STK3: variants seen among roughly 807,000 people sequenced by gnomAD.
The protein encoded by STK3 is serine/threonine-protein kinase 3.
A neutral mutation model predicts 58.0 loss-of-function variants in STK3; 41 were observed. The ratio of observed to expected loss-of-function variants is 0.71; its 90% confidence interval spans 0.55 to 0.92. The LOEUF (loss-of-function observed/expected upper bound fraction) is 0.92, where lower values mean the gene tolerates loss of function less well. Ranked by LOEUF, STK3 falls within the 40% of genes least tolerant of loss-of-function variation. The pLI, the probability that STK3 is intolerant of heterozygous loss-of-function variation, is 0.00. For synonymous variants in STK3, 170 were observed against 191.0 expected (o/e 0.89, Z 0.91); for missense variants, 479 against 602.7 (o/e 0.79, Z 2.15).
At chr8:98,720,094 G>A (rs902071549) in intron 4 of STK3, among the ~76,000 whole-genome samples, 1 of 152,104 alleles carries the variant, frequency 6.6e-6, no homozygotes, top group African/African-American at 2.4e-5. Context: ...TGTACTTTAA[G>A]ACTTTTAAAT....
At chr8:98,905,015 T>C (rs1838834869) in intron 1 of STK3, 1 of 800,894 alleles carries the variant, frequency 1.2e-6, no homozygotes, top group Non-Finnish European at 2.2e-6. Context: ...AGTGGAGTGC[T>C]GCATATGCAT....
chr8:98,428,790 T>G lies in STK3; in HGVS notation n.483+5337A>C. ...TATTGACCTCATGTCCATCGTCCCCTTTTACATCACTCTGGTGGTGAACCT... is the reference window on the plus strand; with the variant it reads ...TATTGACCTCATGTCCATCGTCCCCGTTTACATCACTCTGGTGGTGAACCT... On this transcript the variant is annotated intron_variant and non_coding_transcript_variant, in intron 3 of 3. Transcript: ENST00000517832. The surrounding 1 kb of genome is among the most constrained non-coding windows in gnomAD (Gnocchi z 6.7). The G allele has an allele frequency of 6.2e-7, 1 of 1,614,190 alleles. No homozygotes were observed. Among genetic ancestry groups the G allele is most frequent in the Non-Finnish European group, 8.5e-7 (1 of 1,180,038 alleles).
chr8:98,440,067 G>A (rs569467312), intron 1 of STK3, among the ~76,000 whole-genome samples: 176 of 152,334 alleles, frequency 1.2e-3, no homozygotes, highest in Admixed American at 2.5e-3. Context: ...CAGGACCAGG[G>A]ATAGCTGCTG....
At chr8:98,862,007 G>T (rs974004903) in intron 3 of STK3, among the ~76,000 whole-genome samples, 11 of 152,198 alleles carry the variant, frequency 7.2e-5, no homozygotes, top group African/African-American at 2.4e-4. Flanking sequence ...CAGTAAATGT[G>T]CAGGGGTCTT....
At chr8:98,438,098 C>A (rs953045860) in intron 1 of STK3, 1 of 152,244 alleles carries the variant, frequency 6.6e-6, no homozygotes, top group Non-Finnish European at 1.5e-5. Context: ...AGGTTTTATG[C>A]ACAGTTTAAA....
chr8:98,439,316 T>C (rs1443291814), intron 1 of STK3: 1 of 152,054 alleles, frequency 6.6e-6, no homozygotes, highest in African/African-American at 2.4e-5. Flanking sequence ...GTGGAGTCGA[T>C]TTGACCTGGT....
At chr8:98,435,081 A>G (rs1294023175) in intron 2 of STK3, among the ~76,000 whole-genome samples, 3 of 152,182 alleles carry the variant, frequency 2.0e-5, no homozygotes, top group Non-Finnish European at 4.4e-5. Flanking sequence ...GGTAGAATAG[A>G]GAGCACAGGA....
chr8:98,541,423 T>A (rs1043909117), intron 9 of STK3, among the ~76,000 whole-genome samples: 1 of 152,132 alleles, frequency 6.6e-6, no homozygotes, highest in African/African-American at 2.4e-5. Flanking sequence ...CCCGTCCCCT[T>A]CCACCATGAT....
upstream of STK3, among the ~76,000 whole-genome samples, chr8:98,392,980 C>G (rs1817862312): frequency 1.3e-5 from 2 of 152,196 alleles, no homozygotes; most frequent in South Asian, 4.1e-4. Flanking sequence ...TCTTCCCTCC[C>G]TCTCTCGCTT....
At chr8:98,710,350 T>G (rs1319601932) in intron 4 of STK3, among the ~76,000 whole-genome samples, 2 of 152,164 alleles carry the variant, frequency 1.3e-5, no homozygotes, top group African/African-American at 4.8e-5. Context: ...GGGCATCACC[T>G]CACCTGGGAA....
At chr8:98,443,539 T>C (rs570174489) in intron 1 of STK3, among the ~76,000 whole-genome samples, 4 of 152,248 alleles carry the variant, frequency 2.6e-5, no homozygotes, top group Non-Finnish European at 2.9e-5. Context: ...TAGTTAAAAA[T>C]TGGGTTTCTA....
chr8:98,613,718 A>AAT (rs1817394869), intron 6 of STK3, among the ~76,000 whole-genome samples: 1 of 152,110 alleles, frequency 6.6e-6, no homozygotes, highest in African/African-American at 2.4e-5. Flanking sequence ...CATTAAATGT[A>AAT]AATCGCCTAA....
At chr8:98,547,902 G>C (rs771735095) in intron 9 of STK3, 67 bp downstream of exon 9, 1 of 1,370,986 alleles carries the variant, frequency 7.3e-7, no homozygotes, top group Non-Finnish European at 9.5e-7. Context: ...CACAGAACTA[G>C]CCTGGTTCCT....
chr8:98,700,587 A>G (rs2131027905), intron 6 of STK3, among the ~76,000 whole-genome samples: 1 of 152,366 alleles, frequency 6.6e-6, no homozygotes, highest in South Asian at 2.1e-4. Context: ...TTAAATTTCC[A>G]GAAAGTTGAC....
intron 3 of STK3, among the ~76,000 whole-genome samples, chr8:98,876,724 T>C (rs1351749064): frequency 6.6e-6 from 1 of 152,234 alleles, no homozygotes. Context: ...AATAAACTTG[T>C]TGCTTAATCG....
At chr8:98,689,439 A>G (rs1824239294) in intron 6 of STK3, among the ~76,000 whole-genome samples, 1 of 152,188 alleles carries the variant, frequency 6.6e-6, no homozygotes, top group Non-Finnish European at 1.5e-5. Context: ...AGAAAATTAC[A>G]GGCCAATATC....
chr8:98,541,051 G>A (rs562631168), intron 9 of STK3, among the ~76,000 whole-genome samples: 25 of 152,268 alleles, frequency 1.6e-4, no homozygotes, highest in Middle Eastern at 3.4e-3. Context: ...GCTATTCCTC[G>A]TTGTGGCAGT....
the STK3 span, among the ~76,000 whole-genome samples, chr8:98,350,692 G>C: frequency 2.5e-4 from 38 of 152,364 alleles, 1 homozygote; most frequent in African/African-American, 9.1e-4. Flanking sequence ...CAAGATAAGA[G>C]AATGAGAGCC....
At chr8:98,880,502 C>A (rs2131896281), downstream of STK3, 1 of 152,228 alleles carries the variant, frequency 6.6e-6, no homozygotes, top group Admixed American at 6.5e-5. Context: ...TCATAAAAGG[C>A]ATAGTATTCT....
Sources: gnomAD v4.1 joint callset for allele counts (sites outside exome capture counted in the v4.1 genomes callset) on GRCh38, gnomAD v4.1.1 for gene constraint, Gnocchi (gnomAD v3.1) non-coding constraint, MANE v1.5 for transcripts, NCBI Gene and HGNC (gene_info 2026-07-23, HGNC 2026-07-21) for gene names.